GPC5: variants seen among roughly 807,000 people sequenced by gnomAD.
The protein encoded by GPC5 is glypican 5.
GPC5 carries 47 observed loss-of-function variants against 53.9 expected under a neutral mutation model. The observed-to-expected ratio is 0.87, with a 90% CI of 0.69 to 1.11. GPC5 has a LOEUF of 1.11. Ranked by LOEUF, GPC5 falls within the 50% of genes most tolerant of loss-of-function variation. The pLI is 0.00. For synonymous variants in GPC5, 286 were observed against 263.3 expected (o/e 1.09, Z -0.84); for missense variants, 748 against 713.1 (o/e 1.05, Z -0.56).
At chr13:92,372,612 G>T (rs1358906189) in intron 7 of GPC5, among the ~76,000 whole-genome samples, 1 of 152,122 alleles carries the variant, frequency 6.6e-6, no homozygotes, top group South Asian at 2.1e-4. Context: ...TATTTGAGGT[G>T]GGAGTAAATC....
chr13:92,120,984 A>G (rs1490499847), intron 6 of GPC5, among the ~76,000 whole-genome samples: 1 of 152,212 alleles, frequency 6.6e-6, no homozygotes, highest in Non-Finnish European at 1.5e-5. Flanking sequence ...AGTTTCTGAA[A>G]AGACCACTAG....
intron 7 of GPC5, among the ~76,000 whole-genome samples, chr13:92,834,364 G>A (rs1464866996): frequency 3.3e-5 from 5 of 152,098 alleles, no homozygotes; most frequent in Non-Finnish European, 5.9e-5. Flanking sequence ...GTGTACCACT[G>A]TTTTATCCCA....
At chr13:92,548,361 G>C (rs1421333640) in intron 7 of GPC5, among the ~76,000 whole-genome samples, 2 of 150,896 alleles carry the variant, frequency 1.3e-5, no homozygotes, top group East Asian at 3.9e-4. Context: ...TCATATACTA[G>C]GCAATACCTG....
At chr13:92,288,115 A>G (rs1381107284) in intron 7 of GPC5, among the ~76,000 whole-genome samples, 1 of 151,566 alleles carries the variant, frequency 6.6e-6, no homozygotes, top group Non-Finnish European at 1.5e-5. Context: ...TTAAATCCCT[A>G]TCTGTTTGTT....
At chr13:91,418,138 G>A (rs1878365167) in intron 1 of GPC5, among the ~76,000 whole-genome samples, 1 of 152,062 alleles carries the variant, frequency 6.6e-6, no homozygotes, top group African/African-American at 2.4e-5. Context: ...TCGCTGAGTT[G>A]TTATCAGATT....
At chr13:92,220,208 ACCAG>A (rs1238909081) in intron 7 of GPC5, among the ~76,000 whole-genome samples, 3 of 152,146 alleles carry the variant, frequency 2.0e-5, no homozygotes, top group African/African-American at 7.2e-5. Context: ...ATACTTGAGC[ACCAG>A]CCTCTAGTGT....
At chr13:92,726,381 G>A (rs1286132082) in intron 7 of GPC5, among the ~76,000 whole-genome samples, 2 of 151,070 alleles carry the variant, frequency 1.3e-5, no homozygotes, top group African/African-American at 4.9e-5. Flanking sequence ...CTATTTTTTT[G>A]TGTTTGTTTA....
chr13:92,316,230 C>CAA (rs1393849022), intron 7 of GPC5, among the ~76,000 whole-genome samples: 1 of 151,832 alleles, frequency 6.6e-6, no homozygotes, highest in Non-Finnish European at 1.5e-5. Flanking sequence ...AATTGCTGAC[C>CAA]AACACCTTTT....
chr13:91,629,806 G>A (rs1207633332), intron 2 of GPC5, among the ~76,000 whole-genome samples: 1 of 152,040 alleles, frequency 6.6e-6, no homozygotes, highest in Non-Finnish European at 1.5e-5. Flanking sequence ...TACTAAAGGT[G>A]GGAAAATGGT....
chr13:92,579,293 C>CTT (rs1883296743), intron 7 of GPC5, among the ~76,000 whole-genome samples: 2 of 76,892 alleles, frequency 2.6e-5, no homozygotes, highest in Admixed American at 1.6e-4. Flanking sequence ...CTCTCTCTCT[C>CTT]TCTCTCTCCC....
intron 5 of GPC5, among the ~76,000 whole-genome samples, chr13:91,781,120 G>A (rs1003431797): frequency 2.6e-5 from 4 of 152,174 alleles, no homozygotes; most frequent in African/African-American, 9.7e-5. Flanking sequence ...TTGTGCACAA[G>A]TGCACAAGCT....
At chr13:92,623,903 G>A (rs750291201) in intron 7 of GPC5, among the ~76,000 whole-genome samples, 26 of 151,914 alleles carry the variant, frequency 1.7e-4, no homozygotes, top group South Asian at 4.1e-4. Flanking sequence ...TGCCCAGGCC[G>A]GAGTGCAGTG....
At chr13:92,231,387 T>C (rs1566495638) in intron 7 of GPC5, among the ~76,000 whole-genome samples, 1 of 152,158 alleles carries the variant, frequency 6.6e-6, no homozygotes, top group Non-Finnish European at 1.5e-5. Flanking sequence ...TCAGTGTTTT[T>C]TGCAGTGCTC....
rs1176351246 is a variant in GPC5, at chr13:92,166,952, TCTCTCACACACA to T, written c.1561+21965_1561+21976del. Among the ~76,000 whole-genome samples the T allele has an allele frequency of 2.1e-3, 132 of 63,244 alleles. 2 individuals are homozygous for T. Among genetic ancestry groups the T allele is most frequent in the African/African-American group, 7.0e-3 (122 of 17,386 alleles). The allele number at this position is 63,244 out of a possible 152,430, so 41.5% of individuals were successfully genotyped here. On this transcript the variant is annotated intron_variant, in intron 7 of 7. Transcript: ENST00000377067. ...CTCTCTCTCTCTCTCTCTCTCTCTC[TCTCTCACACACA>T]CACACACACACACACACACACACAC...
intron 7 of GPC5, among the ~76,000 whole-genome samples, chr13:92,290,744 G>A (rs961011164): frequency 1.2e-4 from 19 of 152,136 alleles, no homozygotes; most frequent in Admixed American, 5.2e-4. Flanking sequence ...CACAGCTCTC[G>A]CTCGCTCTCG....
intron 5 of GPC5, 72 bp from the exon 6 acceptor site, chr13:91,907,865 A>G: frequency 1.3e-6 from 2 of 1,505,764 alleles, no homozygotes; most frequent in Non-Finnish European, 1.8e-6. Flanking sequence ...GACCTCAAAT[A>G]TGTTCAGATA....
chr13:92,200,974 GACAC>G (rs66619017), intron 7 of GPC5, among the ~76,000 whole-genome samples: 3,319 of 146,992 alleles, frequency 0.023, 98 homozygotes, highest in African/African-American at 0.069. Flanking sequence ...CAGGCACTCA[GACAC>G]ACACACACAC....
chr13:92,281,617 G>C (rs1406822163), intron 7 of GPC5, among the ~76,000 whole-genome samples: 2 of 152,192 alleles, frequency 1.3e-5, no homozygotes, highest in Non-Finnish European at 2.9e-5. Flanking sequence ...CACCTCTGCT[G>C]CTGATACCCA....
intron 2 of GPC5, among the ~76,000 whole-genome samples, chr13:91,462,506 G>A (rs1045978381): frequency 6.6e-6 from 1 of 152,108 alleles, no homozygotes; most frequent in Non-Finnish European, 1.5e-5. Context: ...TGGTTTAAAT[G>A]TTGCTAGTCA....
Sources: gnomAD v4.1 joint callset for allele counts (sites outside exome capture counted in the v4.1 genomes callset) on GRCh38, gnomAD v4.1.1 for gene constraint, MANE v1.5 for transcripts, NCBI Gene and HGNC (gene_info 2026-07-23, HGNC 2026-07-21) for gene names.